Variants in FBH1 observed in about 807,000 individuals in gnomAD.
FBH1 encodes the protein DNA 3'-5' helicase 1.
In FBH1, 43 loss-of-function variants were observed where a neutral mutation model predicts 115.5. The observed-to-expected ratio is 0.37, with a 90% CI of 0.29 to 0.48. FBH1 has a LOEUF of 0.48. FBH1 is among the 20% of genes least tolerant of loss of function. The probability of loss-of-function intolerance (pLI) is 0.99; values close to 1 mark genes in which losing one functional copy is unlikely to be tolerated. For synonymous variants in FBH1, 524 were observed against 507.8 expected (o/e 1.03, Z -0.43); for missense variants, 1,001 against 1,337.3 (o/e 0.75, Z 3.92).
intron 19 of FBH1, among the ~76,000 whole-genome samples, chr10:5,930,813 G>A (rs1178351435): frequency 2.6e-5 from 4 of 152,188 alleles, no homozygotes; most frequent in African/African-American, 7.2e-5. Context: ...GCAGTGGCAC[G>A]ATCATGGCTT....
intron 19 of FBH1, chr10:5,929,885 G>T (rs1019981484): frequency 6.6e-6 from 1 of 152,064 alleles, no homozygotes; most frequent in African/African-American, 2.4e-5. Context: ...TATAAACTTT[G>T]GTTTATAAGT....
rs1832303903 is a variant in FBH1, at chr10:5,921,384, T to C, written c.2200+27T>C. The C allele has an allele frequency of 1.9e-6, 3 of 1,611,202 alleles. No homozygotes were observed. Among genetic ancestry groups the C allele is most frequent in the African/African-American group, 1.3e-5 (1 of 74,624 alleles). On this transcript the variant is annotated intron_variant, in intron 14 of 20. Transcript: ENST00000362091. The surrounding 1 kb of genome is among the most constrained non-coding windows in gnomAD (Gnocchi z 6.4). Reference sequence around the variant, plus strand: ...TAAGGCTTTTAGTTACTCTTCTCTTTTGTGTTACAAAAGTTTTCCTCTTTA... The same window carrying C: ...TAAGGCTTTTAGTTACTCTTCTCTTCTGTGTTACAAAAGTTTTCCTCTTTA...
chr10:5,921,856 C>T lies in FBH1; in HGVS notation c.2322+287C>T, dbSNP rs1434129412. 6.6e-6 allele frequency among the ~76,000 whole-genome samples: 1 copy of T among 152,176 alleles called. No individual in the cohort carries two copies. Among genetic ancestry groups the T allele is most frequent in the East Asian group, 1.9e-4 (1 of 5,200 alleles). On this transcript the variant is annotated intron_variant, in intron 15 of 20. Transcript: ENST00000362091. This position sits in a 1 kb window ranked among gnomAD's most constrained non-coding sequence, Gnocchi z 6.4. ...GCAATGCCAGTGAGGCCGCGGGTTA[C>T]TGGAAGCTTTTCTAGTCATGTGTTG...
In FBH1 at chr10:5,917,989, C is replaced by T. The variant is rs549713474; in HGVS notation, c.1963+313C>T. On this transcript the variant is annotated intron_variant, in intron 12 of 20. Transcript: ENST00000362091. The surrounding 1 kb of genome is among the most constrained non-coding windows in gnomAD (Gnocchi z 5.6). The stretch of plus-strand genomic sequence containing the variant: ...GGAAAAGCTTGTGTTGTCTACTTCT[C>T]AAGTGGCTAGGAGAGAACAGACAGT... Among the ~76,000 whole-genome samples, 75 of 152,306 alleles carry T rather than the reference C, an allele frequency of 4.9e-4. No individual in the cohort carries two copies. The highest frequency in any genetic ancestry group is 1.5e-3 in the African/African-American group (62 of 41,570).
intron 15 of FBH1, among the ~76,000 whole-genome samples, chr10:5,922,953 G>A (rs1331089197): frequency 6.6e-6 from 1 of 151,914 alleles, no homozygotes; most frequent in Non-Finnish European, 1.5e-5. Context: ...GTGTGATCTC[G>A]GTTTGCTGTA....
intron 15 of FBH1, among the ~76,000 whole-genome samples, chr10:5,922,485 ATTG>A (rs1359047850): frequency 6.6e-6 from 1 of 152,218 alleles, no homozygotes; most frequent in African/African-American, 2.4e-5. Context: ...AGCCATGGTC[ATTG>A]TTGTAAGAGT....
chr10:5,891,165 G>A, intron 1 of FBH1: 1 of 985,744 alleles, frequency 1.0e-6, no homozygotes, highest in Non-Finnish European at 1.2e-6. Flanking sequence ...TTGAGTGTCC[G>A]CCAGCGTCTG....
chr10:5,937,285 A>G lies in FBH1; in HGVS notation c.*5A>G. 1.3e-6 allele frequency: 2 copies of G among 1,593,536 alleles called. No homozygotes were observed. The highest frequency in any genetic ancestry group is 1.7e-6 in the Non-Finnish European group (2 of 1,168,664). ...CTGCTCTTCCTCGTCTTCTGAGGACAAGGCGCACGTTCTCCGCAGTGCAGA... is the reference window on the plus strand; with the variant it reads ...CTGCTCTTCCTCGTCTTCTGAGGACGAGGCGCACGTTCTCCGCAGTGCAGA... On this transcript the variant is annotated 3_prime_UTR_variant, in exon 21 of 21. Transcript: ENST00000362091.
In FBH1 at chr10:5,937,305, T is replaced by C. The variant is rs755519954; in HGVS notation, c.*25T>C. 6.6e-7 allele frequency: 1 copy of C among 1,520,646 alleles called. No individual in the cohort carries two copies. The highest frequency in any genetic ancestry group is 8.9e-7 in the Non-Finnish European group (1 of 1,129,536). 94.2% of individuals were successfully genotyped at this position (1,520,646 alleles called of 1,614,324 possible). On this transcript the variant is annotated 3_prime_UTR_variant, in exon 21 of 21. Coordinates refer to ENST00000362091, the MANE Select transcript of FBH1 (RefSeq NM_178150.3). ...AGGACAAGGCGCACGTTCTCCGCAG[T>C]GCAGAGCAGCTTGCCGAGGACCCCG...
In FBH1 at chr10:5,923,902, G is replaced by T; in HGVS notation, c.2398+206G>T. ...ATTTTTCCAGATCCTCCTCACAGGA[G>T]CCTCAGTCTCTTTCCAACACTGGTC... On this transcript the variant is annotated intron_variant, in intron 16 of 20. Transcript: ENST00000362091. The surrounding 1 kb of genome is among the most constrained non-coding windows in gnomAD (Gnocchi z 5.7). 3.4e-6 allele frequency: 2 copies of T among 589,586 alleles called. No homozygotes were observed. Among genetic ancestry groups the T allele is most frequent in the East Asian group, 2.8e-5 (1 of 35,200 alleles). 36.5% of individuals were successfully genotyped at this position (589,586 alleles called of 1,614,324 possible).
In FBH1 at chr10:5,895,501, A is replaced by G. The variant is rs1842954131; in HGVS notation, c.1+5155A>G. Among the ~76,000 whole-genome samples the G allele has an allele frequency of 6.6e-6, 1 of 152,136 alleles. No homozygotes were observed. The highest frequency in any genetic ancestry group is 6.5e-5 in the Admixed American group (1 of 15,278). ...TAAAGGTAGAGGAAGAAAGGAAATT[A>G]TTTGGTATCCATTTCAAATGATCCT... On this transcript the variant is annotated intron_variant, in intron 1 of 20. Coordinates refer to ENST00000362091, the MANE Select transcript of FBH1 (RefSeq NM_178150.3). The surrounding 1 kb of genome is among the most constrained non-coding windows in gnomAD (Gnocchi z 5.0).
At position 5,917,384 on chromosome 10, in the gene FBH1, C is replaced by A; in HGVS notation, c.1789-36C>A. ...CGCAGGGTGCTGCCTTTGCCAGGGTCTCAAACTCTGGGTTACCATATGCTT... is the reference window on the plus strand; with the variant it reads ...CGCAGGGTGCTGCCTTTGCCAGGGTATCAAACTCTGGGTTACCATATGCTT... On this transcript the variant is annotated intron_variant, in intron 10 of 20. Coordinates refer to ENST00000362091, the MANE Select transcript of FBH1 (RefSeq NM_178150.3). The surrounding 1 kb of genome is among the most constrained non-coding windows in gnomAD (Gnocchi z 5.6). The A allele has an allele frequency of 6.3e-7, 1 of 1,584,380 alleles. No individual in the cohort carries two copies. The highest frequency in any genetic ancestry group is 1.1e-5 in the South Asian group (1 of 89,722).
At chr10:5,901,038 A>C (rs1248431919) in intron 1 of FBH1, among the ~76,000 whole-genome samples, 1 of 152,210 alleles carries the variant, frequency 6.6e-6, no homozygotes, top group African/African-American at 2.4e-5. Flanking sequence ...TGAATGTTGC[A>C]GTGAGCCAAG....
rs1460654680 is a variant in FBH1, at chr10:5,911,037, A to C, written c.1120A>C (p.Thr374Pro). 6.2e-7 allele frequency: 1 copy of C among 1,613,256 alleles called. No homozygotes were observed. The highest frequency in any genetic ancestry group is 1.3e-5 in the African/African-American group (1 of 75,034). The change falls in exon 6 of 21, where the codon ACG (threonine) becomes CCG (proline). Residue 374 changes from threonine to proline, a missense_variant. This residue lies in a region of FBH1 where 59 missense variants were observed against 79.7 expected (regional missense o/e 0.74). Transcript: ENST00000362091. The surrounding 1 kb of genome is among the most constrained non-coding windows in gnomAD (Gnocchi z 5.4). Reference protein sequence around the residue: ...LLFCLRRPSSTVTMPDVTETL... With the variant: ...LLFCLRRPSSPVTMPDVTETL... Reference sequence around the variant, plus strand: ...CTTCTGCCTCCGGAGACCCAGCTCCACGGTGACCATGCCAGATGTCACCGA... The same window carrying C: ...CTTCTGCCTCCGGAGACCCAGCTCCCCGGTGACCATGCCAGATGTCACCGA...
rs561448729 is a variant in FBH1 at position 5,923,718 on chromosome 10, G to C, written c.2398+22G>C. 2.5e-6 allele frequency: 4 copies of C among 1,607,736 alleles called. No homozygotes were observed. The South Asian group carries it at 4.4e-5, about 18-fold the overall frequency. On this transcript the variant is annotated intron_variant, in intron 16 of 20. Coordinates refer to ENST00000362091, the MANE Select transcript of FBH1 (RefSeq NM_178150.3). The surrounding 1 kb of genome is among the most constrained non-coding windows in gnomAD (Gnocchi z 5.7). Reference sequence around the variant, plus strand: ...AAACGTGAGTACCCACCTGGCCTTGGTGCATTGGAAGGACGCACCCAAGTG... The same window carrying C: ...AAACGTGAGTACCCACCTGGCCTTGCTGCATTGGAAGGACGCACCCAAGTG...
At chr10:5,894,162 G>C (rs1214717806) in intron 1 of FBH1, 1 of 985,252 alleles carries the variant, frequency 1.0e-6, no homozygotes, top group Admixed American at 6.2e-5. Flanking sequence ...GTGAATACCT[G>C]GGAAAGGAGC....
chr10:5,910,959 G>A lies in FBH1; in HGVS notation c.1042G>A (p.Val348Met). 3 of 1,610,990 alleles carry A rather than the reference G, an allele frequency of 1.9e-6. No homozygotes were observed. Among genetic ancestry groups the A allele is most frequent in the Non-Finnish European group, 2.5e-6 (3 of 1,179,738 alleles). Reference sequence around the variant, plus strand: ...GCAGGGTGTCAACATCTGGGCCCTGGTGGCGGCTGTGGTGCTCCTCTCCAG... The same window carrying A: ...GCAGGGTGTCAACATCTGGGCCCTGATGGCGGCTGTGGTGCTCCTCTCCAG... ...AAGGVNIWAL[V>M]AAVVLLSSSV... The change falls in exon 6 of 21, where the codon GTG (valine) becomes ATG (methionine). Residue 348 changes from valine to methionine, a missense_variant. This residue lies in a region of FBH1 where 59 missense variants were observed against 79.7 expected (regional missense o/e 0.74). Coordinates refer to ENST00000362091, the MANE Select transcript of FBH1 (RefSeq NM_178150.3). This position sits in a 1 kb window ranked among gnomAD's most constrained non-coding sequence, Gnocchi z 4.8.
chr10:5,900,563 G>A lies in FBH1; in HGVS notation c.2-2457G>A, dbSNP rs1843289038. Among the ~76,000 whole-genome samples the A allele has an allele frequency of 1.3e-5, 2 of 152,228 alleles. No homozygotes were observed. Among genetic ancestry groups the A allele is most frequent in the African/African-American group, 4.8e-5 (2 of 41,460 alleles). Reference sequence around the variant, plus strand: ...AGCTTCTGAGTTCAGGTAGTTAGACGATTTCCAGCGTCCTTTCAGAGGGGC... The same window carrying A: ...AGCTTCTGAGTTCAGGTAGTTAGACAATTTCCAGCGTCCTTTCAGAGGGGC... On this transcript the variant is annotated intron_variant, in intron 1 of 20. Transcript: ENST00000362091. This position sits in a 1 kb window ranked among gnomAD's most constrained non-coding sequence, Gnocchi z 4.2.
chr10:5,933,005 C>A lies in FBH1; in HGVS notation c.2830-3451C>A, dbSNP rs1357034911. Among the ~76,000 whole-genome samples the A allele has an allele frequency of 6.6e-6, 1 of 152,112 alleles. No individual in the cohort carries two copies. Among genetic ancestry groups the A allele is most frequent in the African/African-American group, 2.4e-5 (1 of 41,422 alleles). ...GTGCTAGGATTACAGGCATGAGCCA[C>A]TGCACCTGGCCAAGTGTGACTTTTC... On this transcript the variant is annotated intron_variant, in intron 19 of 20. Coordinates refer to ENST00000362091, the MANE Select transcript of FBH1 (RefSeq NM_178150.3). The surrounding 1 kb of genome is among the most constrained non-coding windows in gnomAD (Gnocchi z 4.9).
Sources: allele counts gnomAD v4.1 joint callset (sites outside exome capture counted in the v4.1 genomes callset), GRCh38; gene constraint gnomAD v4.1.1; regional missense constraint gnomAD v4.1.1; non-coding constraint Gnocchi (gnomAD v3.1); transcripts MANE v1.5; gene names NCBI Gene and HGNC (gene_info 2026-07-23, HGNC 2026-07-21).